The following CDC42BPB variants were observed in gnomAD, a reference collection of about 807,000 sequenced individuals.
The protein encoded by CDC42BPB is serine/threonine-protein kinase MRCK beta.
A neutral mutation model predicts 214.9 loss-of-function variants in CDC42BPB; 37 were observed. That is an observed-to-expected ratio of 0.17 (90% CI 0.13 to 0.23). The LOEUF (loss-of-function observed/expected upper bound fraction) is 0.23. CDC42BPB is among the 10% of genes least tolerant of loss of function. The probability of loss-of-function intolerance (pLI) is 1.00; values close to 1 mark genes in which losing one functional copy is unlikely to be tolerated. For missense variants in CDC42BPB, 1,694 were observed against 2,227.0 expected, an observed-to-expected ratio of 0.76 and a Z score of 4.82; for synonymous variants, 931 against 884.0, an observed-to-expected ratio of 1.05 and a Z score of -0.94.
At position 102,946,315 on chromosome 14, in the gene CDC42BPB, A is replaced by G. The variant is rs35153269; in HGVS notation, c.3748+153T>C. On this transcript the variant is annotated intron_variant, in intron 28 of 36. Transcript: ENST00000361246. ...TGGGATTACAGGCGTGAGCCACCGCACCCGGCCTCGTCTGCTTCTTAACAT... is the reference window on the plus strand; with the variant it reads ...TGGGATTACAGGCGTGAGCCACCGCGCCCGGCCTCGTCTGCTTCTTAACAT... 2.5e-3 allele frequency among the ~76,000 whole-genome samples: 378 copies of G among 151,532 alleles called. 3 individuals carry two copies. Among genetic ancestry groups the G allele is most frequent in the African/African-American group, 5.6e-3 (231 of 41,192 alleles).
At chr14:102,946,823 A>C in intron 27 of CDC42BPB, 139 bp from the exon 28 acceptor site, 1 of 1,451,884 alleles carries the variant, frequency 6.9e-7, no homozygotes. Context: ...CCCTGACTCC[A>C]CCTCGCTGGG....
At chr14:103,046,714 C>T (rs1016404604) in intron 1 of CDC42BPB, among the ~76,000 whole-genome samples, 7 of 152,032 alleles carry the variant, frequency 4.6e-5, no homozygotes, top group African/African-American at 9.7e-5. Context: ...TGTGCAGTGG[C>T]GTGATCTCGG....
rs1164606216 is a variant in CDC42BPB at position 102,952,489 on chromosome 14, G to A, written c.3172+9C>T. The A allele has an allele frequency of 6.9e-6, 11 of 1,589,550 alleles. No homozygotes were observed. Among genetic ancestry groups the A allele is most frequent in the East Asian group, 2.2e-5 (1 of 44,648 alleles). ...GCACGCTGACCCCAGGAGCTGCAAC[G>A]ACACTCACCCTCGCAGGCGTAGCCC... On this transcript the variant is annotated intron_variant, in intron 24 of 36. Coordinates refer to ENST00000361246, the MANE Select transcript of CDC42BPB (RefSeq NM_006035.4).
chr14:103,027,326 A>G (rs1040340766), intron 1 of CDC42BPB, among the ~76,000 whole-genome samples: 3 of 152,254 alleles, frequency 2.0e-5, no homozygotes, highest in Non-Finnish European at 4.4e-5. Context: ...GTATATAAAC[A>G]GGAGAAATCA....
intron 20 of CDC42BPB, 69 bp from the exon 21 acceptor site, chr14:102,959,779 C>T: frequency 2.1e-6 from 3 of 1,416,632 alleles, no homozygotes; most frequent in Middle Eastern, 2.2e-4. Flanking sequence ...CAGACAGACT[C>T]AGTGTCTTCA....
At chr14:103,011,577 T>C (rs1385129555) in intron 2 of CDC42BPB, among the ~76,000 whole-genome samples, 1 of 151,724 alleles carries the variant, frequency 6.6e-6, no homozygotes, top group Non-Finnish European at 1.5e-5. Flanking sequence ...AAACCTCATC[T>C]CTACAAAAAA....
intron 30 of CDC42BPB, chr14:102,941,420 A>G: frequency 2.0e-6 from 2 of 985,498 alleles, no homozygotes; most frequent in Non-Finnish European, 2.4e-6. Flanking sequence ...AAGGGAAATC[A>G]AACAGGGTTT....
At chr14:102,969,657 T>C (rs998391813) in intron 14 of CDC42BPB, among the ~76,000 whole-genome samples, 8 of 152,332 alleles carry the variant, frequency 5.3e-5, no homozygotes, top group Admixed American at 5.2e-4. Context: ...CTCCGGCCCC[T>C]TGCCCACTTG....
chr14:102,973,951 A>G, intron 12 of CDC42BPB, 65 bp downstream of exon 12: 1 of 1,534,164 alleles, frequency 6.5e-7, no homozygotes, highest in Non-Finnish European at 8.8e-7. Flanking sequence ...CATCGGCATG[A>G]ACGTGACCTT....
chr14:103,002,756 C>G (rs1895046889), intron 4 of CDC42BPB, among the ~76,000 whole-genome samples: 1 of 152,168 alleles, frequency 6.6e-6, no homozygotes, highest in African/African-American at 2.4e-5. Context: ...CAGACACCCC[C>G]TTATGAAACA....
chr14:103,000,833 G>A (rs952135493), intron 4 of CDC42BPB, among the ~76,000 whole-genome samples: 1 of 152,174 alleles, frequency 6.6e-6, no homozygotes, highest in Non-Finnish European at 1.5e-5. Flanking sequence ...CCTTGCCTCT[G>A]GCACCAAGAC....
chr14:102,965,539 G>A (rs901588914), intron 18 of CDC42BPB, among the ~76,000 whole-genome samples: 4 of 152,094 alleles, frequency 2.6e-5, no homozygotes, highest in Non-Finnish European at 2.9e-5. Context: ...ACTTTCGAGA[G>A]GTATCAAAGA....
chr14:103,044,099 T>A (rs374974974), intron 1 of CDC42BPB, among the ~76,000 whole-genome samples: 1 of 152,198 alleles, frequency 6.6e-6, no homozygotes, highest in African/African-American at 2.4e-5. Context: ...TCCCACATAT[T>A]TGAATTCAGT....
At chr14:103,006,125 C>A (rs891856501) in intron 3 of CDC42BPB, among the ~76,000 whole-genome samples, 2 of 152,116 alleles carry the variant, frequency 1.3e-5, no homozygotes, top group Non-Finnish European at 1.5e-5. Flanking sequence ...CATGCAGAGA[C>A]CAGCAATTCT....
rs759849679 is a variant in CDC42BPB at position 102,976,031 on chromosome 14, G to A, written c.1239C>T (p.Gly413=). ...TGGACTGCATTATGCTCTTCAGAGA[G>A]CCTCGATCAGAAAAACAGCTGGGAA... The part of the protein sequence containing the change: ...FTTESCFSDR[G]SLKSIMQSNT... Residue 413 remains glycine, a synonymous_variant, in exon 10 of 37, where the codon GGC becomes GGT. Coordinates refer to ENST00000361246, the MANE Select transcript of CDC42BPB (RefSeq NM_006035.4). The A allele has an allele frequency of 6.2e-7, 1 of 1,611,106 alleles. No individual in the cohort carries two copies. The highest frequency in any genetic ancestry group is 1.1e-5 in the South Asian group (1 of 90,904).
intron 26 of CDC42BPB, 83 bp from the exon 27 acceptor site, chr14:102,947,885 T>TGCC: frequency 6.2e-7 from 1 of 1,600,502 alleles, no homozygotes. Flanking sequence ...TGCCCTGCCC[T>TGCC]GCCATGTCCT....
At chr14:102,968,742 G>A (rs1343754982) in intron 14 of CDC42BPB, 26 bp from the exon 15 acceptor site, 2 of 1,611,012 alleles carry the variant, frequency 1.2e-6, no homozygotes, top group Non-Finnish European at 1.7e-6. Context: ...AACATAAATT[G>A]ACAAACCTCT....
In CDC42BPB at chr14:102,968,719, G is replaced by A. The variant is rs746613097; in HGVS notation, c.1996-3C>T. The A allele has an allele frequency of 3.1e-6, 5 of 1,613,382 alleles. No homozygotes were observed. Among genetic ancestry groups the A allele is most frequent in the Non-Finnish European group, 4.2e-6 (5 of 1,179,936 alleles). On this transcript the variant is annotated splice_region_variant and splice_polypyrimidine_tract_variant and intron_variant, in intron 14 of 36. Transcript: ENST00000361246. ...GCTCCCCGGCCTCCTTGCTTCACCTGAAGACAAAGGTTAACATAAATTGAC... is the reference window on the plus strand; with the variant it reads ...GCTCCCCGGCCTCCTTGCTTCACCTAAAGACAAAGGTTAACATAAATTGAC...
rs1000838810 is a variant in CDC42BPB, at chr14:102,950,086, C to T, written c.3310-182G>A. On this transcript the variant is annotated intron_variant, in intron 25 of 36. Transcript: ENST00000361246. ...GGAGGGGTCCATGCGTGGCAGCAGA[C>T]GGTGCCAGGGAAAGCTGGCAGCTCA... The T allele has an allele frequency of 2.1e-5, 21 of 985,328 alleles. No homozygotes were observed. The Admixed American group carries it at 3.1e-4, about 14-fold the overall frequency. The allele number at this position is 985,328 out of a possible 1,614,324, so 61.0% of individuals were successfully genotyped here. A position where few individuals can be genotyped will look rare whatever the true frequency, so the allele number is the denominator to read the frequency against.
Sources: gnomAD v4.1 joint callset for allele counts (sites outside exome capture counted in the v4.1 genomes callset) on GRCh38, gnomAD v4.1.1 for gene constraint, MANE v1.5 for transcripts, NCBI Gene and HGNC (gene_info 2026-07-23, HGNC 2026-07-21) for gene names.